Variants in DAB1 observed in about 807,000 individuals in gnomAD.
The protein encoded by DAB1 is DAB adaptor protein 1.
A neutral mutation model predicts 64.6 loss-of-function variants in DAB1; 15 were observed. That is an observed-to-expected ratio of 0.23 (90% CI 0.16 to 0.36). DAB1 has a LOEUF of 0.36. DAB1 is among the 10% of genes least tolerant of loss of function. The probability of loss-of-function intolerance (pLI) is 1.00; values close to 1 mark genes in which losing one functional copy is unlikely to be tolerated. For synonymous variants in DAB1, 235 were observed against 251.9 expected, an observed-to-expected ratio of 0.93 and a Z score of 0.64; for missense variants, 596 against 706.7, an observed-to-expected ratio of 0.84 and a Z score of 1.78.
intron 3 of DAB1, among the ~76,000 whole-genome samples, chr1:58,462,272 G>A (rs902590492): frequency 9.2e-5 from 14 of 151,856 alleles, no homozygotes; most frequent in Non-Finnish European, 1.8e-4. Context: ...GACTACAGGC[G>A]CCCGCCACCG....
chr1:58,026,494 C>T (rs1190581118), intron 5 of DAB1, among the ~76,000 whole-genome samples: 3 of 152,136 alleles, frequency 2.0e-5, no homozygotes, highest in Non-Finnish European at 4.4e-5. Context: ...AGTACATCAT[C>T]GGGATGCATC....
chr1:57,203,937 T>C (rs767842491), intron 2 of DAB1, among the ~76,000 whole-genome samples: 12 of 152,208 alleles, frequency 7.9e-5, no homozygotes, highest in Non-Finnish European at 8.8e-5. Context: ...TTGCCCAGGC[T>C]GGAGTGCAGT....
intron 7 of DAB1, among the ~76,000 whole-genome samples, chr1:57,070,266 T>C (rs1006935907): frequency 6.6e-6 from 1 of 152,196 alleles, no homozygotes; most frequent in African/African-American, 2.4e-5. Flanking sequence ...CAGTTAGAAG[T>C]GTAAGTTCAA....
At chr1:57,866,528 A>C (rs1654308038) in intron 1 of DAB1, 1 of 152,170 alleles carries the variant, frequency 6.6e-6, no homozygotes, top group South Asian at 2.1e-4. Flanking sequence ...ACAGCACCTT[A>C]GTGAAGAGTA....
intron 4 of DAB1, among the ~76,000 whole-genome samples, chr1:57,121,325 C>T (rs1267989477): frequency 6.6e-6 from 1 of 151,924 alleles, no homozygotes; most frequent in South Asian, 2.1e-4. Flanking sequence ...CCCTCACTCC[C>T]TCACTCTCTC....
chr1:57,380,675 A>AG (rs1215844199), intron 1 of DAB1, among the ~76,000 whole-genome samples: 1 of 152,198 alleles, frequency 6.6e-6, no homozygotes, highest in Non-Finnish European at 1.5e-5. Context: ...GGCTAGGTCC[A>AG]GTGGGGAGAC....
intron 3 of DAB1, among the ~76,000 whole-genome samples, chr1:58,458,930 A>C (rs1645217884): frequency 6.6e-6 from 1 of 152,190 alleles, no homozygotes; most frequent in African/African-American, 2.4e-5. Flanking sequence ...TCATTATATA[A>C]GGATATTCAT....
chr1:58,314,755 A>T (rs1425622199), intron 4 of DAB1, among the ~76,000 whole-genome samples: 1 of 152,134 alleles, frequency 6.6e-6, no homozygotes, highest in African/African-American at 2.4e-5. Context: ...ATGACAACAG[A>T]GATTTTTTGT....
chr1:58,122,757 T>A (rs1289986323), intron 5 of DAB1, among the ~76,000 whole-genome samples: 2 of 152,162 alleles, frequency 1.3e-5, no homozygotes, highest in Non-Finnish European at 2.9e-5. Flanking sequence ...GAAAGGGTGT[T>A]GACAGGGCTT....
chr1:58,049,061 G>C (rs538806655), intron 5 of DAB1: 2 of 784,838 alleles, frequency 2.5e-6, no homozygotes, highest in African/African-American at 3.4e-5. Context: ...CACCCACCTT[G>C]TGTGGCCTTG....
At chr1:58,361,113 C>T (rs562820157) in intron 3 of DAB1, among the ~76,000 whole-genome samples, 10 of 152,320 alleles carry the variant, frequency 6.6e-5, no homozygotes, top group African/African-American at 1.7e-4. Context: ...GACACTGAAG[C>T]CCTGGTGTGT....
At chr1:57,694,775 T>C (rs1646804156) in intron 6 of DAB1, among the ~76,000 whole-genome samples, 1 of 152,176 alleles carries the variant, frequency 6.6e-6, no homozygotes. Context: ...TCTTCAACAG[T>C]GAACAACTCA....
chr1:57,359,293 ATC>A (rs527697923), intron 1 of DAB1, among the ~76,000 whole-genome samples: 100 of 152,174 alleles, frequency 6.6e-4, no homozygotes, highest in South Asian at 4.1e-3. Flanking sequence ...CTGAATAAAC[ATC>A]TCTCAAAAGA....
intron 6 of DAB1, among the ~76,000 whole-genome samples, chr1:57,811,677 C>T (rs1360003192): frequency 6.6e-6 from 1 of 152,184 alleles, no homozygotes; most frequent in African/African-American, 2.4e-5. Context: ...ACTATTTAGC[C>T]TACTACAAAG....
intron 7 of DAB1, among the ~76,000 whole-genome samples, chr1:57,578,949 T>C (rs1182252739): frequency 6.6e-6 from 1 of 152,236 alleles, no homozygotes; most frequent in Non-Finnish European, 1.5e-5. Flanking sequence ...TAATTTGCTA[T>C]GAAAGGAGTT....
intron 7 of DAB1, among the ~76,000 whole-genome samples, chr1:57,573,750 T>C (rs1645218227): frequency 1.3e-5 from 2 of 152,214 alleles, no homozygotes; most frequent in African/African-American, 4.8e-5. Context: ...ATGTGGCTGA[T>C]TCCCCAGTCA....
At chr1:58,409,736 T>C (rs760600797) in intron 3 of DAB1, among the ~76,000 whole-genome samples, 2 of 152,178 alleles carry the variant, frequency 1.3e-5, no homozygotes, top group African/African-American at 2.4e-5. Context: ...CTTGTAGGCC[T>C]TGCATTAAAA....
At chr1:57,561,723 G>A (rs753937745) in intron 7 of DAB1, among the ~76,000 whole-genome samples, 14 of 152,170 alleles carry the variant, frequency 9.2e-5, no homozygotes, top group South Asian at 2.1e-4. Context: ...TGGAGGTTAC[G>A]CATGGGCTCA....
At position 57,877,727 on chromosome 1, in the gene DAB1, A is replaced by AT. The variant is rs1244640927; in HGVS notation, n.87+6271dup. Among the ~76,000 whole-genome samples the AT allele has an allele frequency of 2.7e-4, 20 of 75,260 alleles. 8 individuals are homozygous for AT. Among genetic ancestry groups the AT allele is most frequent in the South Asian group, 7.5e-4 (2 of 2,680 alleles). 49.4% of individuals were successfully genotyped at this position (75,260 alleles called of 152,430 possible). ...AGGCGCCCACCACCGCGCCCGGCTAATTTTTTTTTTGTATTTTTAGTAGAG... is the reference window on the plus strand; with the variant it reads ...AGGCGCCCACCACCGCGCCCGGCTAATTTTTTTTTTTGTATTTTTAGTAGAG... On this transcript the variant is annotated intron_variant and non_coding_transcript_variant, in intron 1 of 1. Transcript: ENST00000477280.
Sources: allele counts gnomAD v4.1 joint callset (sites outside exome capture counted in the v4.1 genomes callset), GRCh38; gene constraint gnomAD v4.1.1; transcripts MANE v1.5; gene names NCBI Gene and HGNC (gene_info 2026-07-23, HGNC 2026-07-21).